Variants in MAP4 observed in about 807,000 individuals in gnomAD.
MAP4 encodes microtubule-associated protein 4.
MAP4 carries 76 observed loss-of-function variants against 170.2 expected under a neutral mutation model. The ratio of observed to expected loss-of-function variants is 0.45; its 90% CI spans 0.37 to 0.54. The LOEUF (loss-of-function observed/expected upper bound fraction) is 0.54, where lower values mean the gene tolerates loss of function less well. Ranked by LOEUF, MAP4 falls within the 20% of genes least tolerant of loss-of-function variation. The pLI is 0.00. For missense variants in MAP4, 2,506 were observed against 2,748.0 expected (o/e 0.91, Z 1.97); for synonymous variants, 909 against 994.5 (o/e 0.91, Z 1.62).
At chr3:47,947,582 G>A (rs1255900559) in intron 3 of MAP4, among the ~76,000 whole-genome samples, 2 of 152,096 alleles carry the variant, frequency 1.3e-5, no homozygotes, top group Non-Finnish European at 2.9e-5. Context: ...GGAGGCCGAG[G>A]AGGGCAAACT....
intron 4 of MAP4, among the ~76,000 whole-genome samples, chr3:47,926,307 C>A (rs2100045908): frequency 6.6e-6 from 1 of 152,050 alleles, no homozygotes; most frequent in South Asian, 2.1e-4. Context: ...CCTCAGCCTC[C>A]CAAGTAGCTG....
intron 2 of MAP4, among the ~76,000 whole-genome samples, chr3:47,986,119 T>G (rs1452177851): frequency 2.0e-5 from 3 of 152,172 alleles, no homozygotes; most frequent in Non-Finnish European, 4.4e-5. Flanking sequence ...AGTGTGAAGT[T>G]TAACAAAGTC....
At position 47,852,569 on chromosome 3, in the gene MAP4, T is replaced by C. The variant is rs1035813542; in HGVS notation, c.*365A>G. On this transcript the variant is annotated 3_prime_UTR_variant, in exon 21 of 21. Transcript: ENST00000683076. Reference sequence around the variant, plus strand: ...AAAAGATGAGGATAGAATCTGGTTCTCCTCTCCTAGATCCCAACTTAGCCT... The same window carrying C: ...AAAAGATGAGGATAGAATCTGGTTCCCCTCTCCTAGATCCCAACTTAGCCT... 1.0e-5 allele frequency: 6 copies of C among 572,780 alleles called. No homozygotes were observed. The highest frequency in any genetic ancestry group is 1.8e-5 in the Non-Finnish European group (6 of 335,232). The allele number at this position is 572,780 out of a possible 1,614,324, so 35.5% of individuals were successfully genotyped here. A position where few individuals can be genotyped will look rare whatever the true frequency, so the allele number is the denominator to read the frequency against.
chr3:47,971,065 T>A (rs1166878929), intron 3 of MAP4, among the ~76,000 whole-genome samples: 1 of 152,228 alleles, frequency 6.6e-6, no homozygotes, highest in Non-Finnish European at 1.5e-5. Flanking sequence ...GAAGAGAAAT[T>A]CTGTATTTTT....
chr3:47,997,326 T>TAAAAAAACAAAAAAAAAAAAAA (rs2100096361), intron 2 of MAP4, among the ~76,000 whole-genome samples: 1 of 44,994 alleles, frequency 2.2e-5, no homozygotes, highest in African/African-American at 9.5e-5. Context: ...TTTAAACTGC[T>TAAAAAAACAAAAAAAAAAAAAA]AAAAAAAAAA....
intron 18 of MAP4, among the ~76,000 whole-genome samples, chr3:47,856,598 T>TTTAGTAGAGACAGGGTTTTTA (rs1234574311): frequency 6.6e-6 from 1 of 152,170 alleles, no homozygotes; most frequent in African/African-American, 2.4e-5. Context: ...AGCTAGTTTT[T>TTTAGTAGAGACAGGGTTTTTA]GTATTTTTAG....
chr3:48,007,494 T>C lies in MAP4; in HGVS notation c.-19-8615A>G, dbSNP rs563022257. Among the ~76,000 whole-genome samples the C allele has an allele frequency of 7.9e-5, 12 of 152,320 alleles. No homozygotes were observed. The South Asian group carries it at 2.5e-3, about 32-fold the overall frequency. ...AGAAGGCTCTGCAACAGGTCCAGGC[T>C]GCTGTGCAAGCTGCTCTGCCACCTG... On this transcript the variant is annotated intron_variant, in intron 1 of 20. Coordinates refer to ENST00000683076, the MANE Select transcript of MAP4 (RefSeq NM_001385682.1).
chr3:47,950,230 C>G (rs1302537599), intron 3 of MAP4, among the ~76,000 whole-genome samples: 1 of 152,164 alleles, frequency 6.6e-6, no homozygotes, highest in East Asian at 1.9e-4. Flanking sequence ...TAATCTATTA[C>G]TAGTTAATAA....
chr3:47,909,530 G>A lies in MAP4; in HGVS notation c.4891C>T (p.Gln1631Ter). Residue 1631 changes from glutamine to a stop codon, truncating the protein, a stop_gained, in exon 9 of 21, where the codon CAA (glutamine) becomes TAA (stop). Coordinates refer to ENST00000683076, the MANE Select transcript of MAP4 (RefSeq NM_001385682.1). LOFTEE classifies it high-confidence loss of function. ...QIPDLLEDKAQKLSFCEDQNA... is the reference protein window; with the variant it reads ...QIPDLLEDKA ...TGGTCCTCACAAAAACTGAGCTTTT[G>A]TGCTTTGTCTTCCAGTAAGTCAGGA... The A allele has an allele frequency of 6.2e-7, 1 of 1,612,864 alleles. No individual in the cohort carries two copies. The highest frequency in any genetic ancestry group is 8.5e-7 in the Non-Finnish European group (1 of 1,179,866).
intron 1 of MAP4, among the ~76,000 whole-genome samples, chr3:48,068,480 C>G (rs7620737): frequency 2.0e-5 from 3 of 152,014 alleles, no homozygotes; most frequent in African/African-American, 7.2e-5. Context: ...GTGATTCTCC[C>G]GCCTCTGCTT....
chr3:47,970,511 C>A (rs1041070674), intron 3 of MAP4, among the ~76,000 whole-genome samples: 2 of 149,940 alleles, frequency 1.3e-5, no homozygotes, highest in Admixed American at 6.7e-5. Context: ...AACAAAAAAA[C>A]CCAAAAAACA....
chr3:47,869,113 GT>G (rs2086054242), intron 16 of MAP4, 100 bp downstream of exon 16: 13 of 902,362 alleles, frequency 1.4e-5, no homozygotes, highest in Non-Finnish European at 2.2e-5. Flanking sequence ...GTAGAAACTA[GT>G]TAGGGAAAGG....
intron 1 of MAP4, among the ~76,000 whole-genome samples, chr3:48,077,536 T>A (rs1242735468): frequency 1.1e-4 from 17 of 151,388 alleles, no homozygotes; most frequent in Non-Finnish European, 8.8e-5. Context: ...GGTCTCACCA[T>A]ATTGCCTGCC....
chr3:47,925,267 G>T (rs1577709144), intron 4 of MAP4, among the ~76,000 whole-genome samples: 1 of 152,272 alleles, frequency 6.6e-6, no homozygotes, highest in African/African-American at 2.4e-5. Context: ...CGCCATCTTG[G>T]CAGTTGACTA....
At chr3:47,877,685 AT>A in intron 10 of MAP4, 162 bp from the exon 11 acceptor site, 1 of 526,504 alleles carries the variant, frequency 1.9e-6, no homozygotes, top group African/African-American at 1.9e-5. Context: ...CCAAGTTCTC[AT>A]TGTGATGGAG....
In MAP4 at chr3:47,955,057, T is replaced by C. The variant is rs1347200328; in HGVS notation, c.292+22808A>G. 2.0e-5 allele frequency among the ~76,000 whole-genome samples: 3 copies of C among 152,192 alleles called. No individual in the cohort carries two copies. In the East Asian group the frequency reaches 5.8e-4, roughly 29 times the overall value. On this transcript the variant is annotated intron_variant, in intron 3 of 20. Coordinates refer to ENST00000683076, the MANE Select transcript of MAP4 (RefSeq NM_001385682.1). ...ATCAAAAGACTTGAAAGAAACAGGGTAGTGATACCTATTATATCTTGATTT... is the reference window on the plus strand; with the variant it reads ...ATCAAAAGACTTGAAAGAAACAGGGCAGTGATACCTATTATATCTTGATTT...
chr3:47,940,673 T>C (rs2100055709), intron 3 of MAP4, among the ~76,000 whole-genome samples: 1 of 152,194 alleles, frequency 6.6e-6, no homozygotes, highest in Non-Finnish European at 1.5e-5. Context: ...AAAACTAGAC[T>C]AATTCTGTCA....
At chr3:48,003,539 G>C (rs1417495368) in intron 1 of MAP4, among the ~76,000 whole-genome samples, 2 of 151,102 alleles carry the variant, frequency 1.3e-5, no homozygotes, top group Non-Finnish European at 2.9e-5. Context: ...ACAAACTGTA[G>C]AACACAAGTT....
At chr3:47,980,379 A>G (rs1189197768) in intron 2 of MAP4, among the ~76,000 whole-genome samples, 1 of 152,206 alleles carries the variant, frequency 6.6e-6, no homozygotes, top group East Asian at 1.9e-4. Flanking sequence ...TATTATTCCT[A>G]AGACAATAAG....
Sources: gnomAD v4.1 joint callset for allele counts (sites outside exome capture counted in the v4.1 genomes callset) on GRCh38, gnomAD v4.1.1 for gene constraint, MANE v1.5 for transcripts, NCBI Gene and HGNC (gene_info 2026-07-23, HGNC 2026-07-21) for gene names.